Variants in MELK observed in about 807,000 individuals in gnomAD.
MELK encodes the protein pEg3 kinase.
A neutral mutation model predicts 85.0 loss-of-function variants in MELK; 81 were observed. The ratio of observed to expected loss-of-function variants is 0.95; its 90% confidence interval spans 0.80 to 1.15. MELK has a LOEUF of 1.15. Among genes scored for constraint, MELK ranks in the 50% most tolerant of loss-of-function variants. The probability of loss-of-function intolerance (pLI) is 0.00; values close to 1 mark genes in which losing one functional copy is unlikely to be tolerated. For missense variants in MELK, 754 were observed against 777.5 expected, an observed-to-expected ratio of 0.97 and a Z score of 0.36; for synonymous variants, 252 against 265.0, an observed-to-expected ratio of 0.95 and a Z score of 0.48.
chr9:36,643,225 A>G (rs961341375), intron 11 of MELK, 142 bp downstream of exon 11: 18 of 562,346 alleles, frequency 3.2e-5, no homozygotes, highest in Non-Finnish European at 5.0e-5. Context: ...TCTACTGAAA[A>G]TACAAAAATT....
At chr9:36,655,453 G>GGAGAGA (rs66684364) in intron 12 of MELK, among the ~76,000 whole-genome samples, 4 of 147,800 alleles carry the variant, frequency 2.7e-5, no homozygotes, top group African/African-American at 9.9e-5. Context: ...TCAAGTAGGG[G>GGAGAGA]GAGAGAGAGA....
At chr9:36,643,559 G>A (rs1271451468) in intron 11 of MELK, among the ~76,000 whole-genome samples, 2 of 152,068 alleles carry the variant, frequency 1.3e-5, no homozygotes, top group East Asian at 3.8e-4. Flanking sequence ...ACACAGTCCT[G>A]ATGTGTGCTA....
At chr9:36,629,752 C>A (rs1182494145) in intron 8 of MELK, among the ~76,000 whole-genome samples, 2 of 150,670 alleles carry the variant, frequency 1.3e-5, no homozygotes, top group Non-Finnish European at 3.0e-5. Context: ...CTGTTATGTT[C>A]TTTGTGCTCT....
At chr9:36,616,082 G>C (rs1050928676) in intron 8 of MELK, among the ~76,000 whole-genome samples, 1 of 152,070 alleles carries the variant, frequency 6.6e-6, no homozygotes, top group Admixed American at 6.5e-5. Context: ...TCGCCGGCGC[G>C]GTGGCAAAGA....
At chr9:36,624,461 A>G (rs543513856) in intron 8 of MELK, among the ~76,000 whole-genome samples, 2 of 152,306 alleles carry the variant, frequency 1.3e-5, no homozygotes, top group South Asian at 4.2e-4. Context: ...CTGGGATTCA[A>G]ATATAATATA....
At chr9:36,597,084 C>A in intron 5 of MELK, 138 bp from the exon 6 acceptor site, 1 of 636,676 alleles carries the variant, frequency 1.6e-6, no homozygotes, top group Non-Finnish European at 2.7e-6. Flanking sequence ...ATAATCCTCT[C>A]TCATCTGCCT....
Position 36,617,469 on chromosome 9 carries a change from A to G in MELK, c.666+9796A>G, listed in dbSNP as rs1049930023. ...AGCCTCAGCCTCCTGAGTAGCTGGA[A>G]CTACAGGCGTGCGCTACCACACTTG... On this transcript the variant is annotated intron_variant, in intron 8 of 17. Transcript: ENST00000298048. 2.6e-5 allele frequency among the ~76,000 whole-genome samples: 4 copies of G among 152,056 alleles called. 1 individual carries two copies. The highest frequency in any genetic ancestry group is 7.2e-5 in the African/African-American group (3 of 41,386).
At position 36,597,284 on chromosome 9, in the gene MELK, A is replaced by C. The variant is rs961060342; in HGVS notation, c.468A>C (p.Lys156Asn). 1.9e-6 allele frequency: 3 copies of C among 1,612,114 alleles called. No homozygotes were observed. Among genetic ancestry groups the C allele is most frequent in the Non-Finnish European group, 2.5e-6 (3 of 1,178,368 alleles). Reference sequence around the variant, plus strand: ...TGATTGACTTTGGTCTCTGTGCAAAACCCAAGGTAAGTGCAGAAATAAGAT... The same window carrying C: ...TGATTGACTTTGGTCTCTGTGCAAACCCCAAGGTAAGTGCAGAAATAAGAT... ...LKLIDFGLCA[K>N]PKGNKDYHLQ... Residue 156 changes from lysine (K) to asparagine (N), a missense_variant, in exon 6 of 18, where the codon AAA becomes AAC. Physicochemically the swap from Lys to Asn is moderately conservative, Grantham distance 94. Transcript: ENST00000298048.
chr9:36,591,343 CT>C (rs1013059953), intron 4 of MELK, among the ~76,000 whole-genome samples: 1 of 150,744 alleles, frequency 6.6e-6, no homozygotes, highest in Non-Finnish European at 1.5e-5. Context: ...GAGGCCAAGG[CT>C]GGTGGATTAT....
intron 16 of MELK, among the ~76,000 whole-genome samples, chr9:36,673,017 G>C (rs1833021627): frequency 6.6e-6 from 1 of 152,154 alleles, no homozygotes; most frequent in African/African-American, 2.4e-5. Flanking sequence ...CTTACCGGAA[G>C]AGTTGCAAGG....
At chr9:36,668,265 T>C (rs1564230350) in intron 14 of MELK, among the ~76,000 whole-genome samples, 2 of 152,220 alleles carry the variant, frequency 1.3e-5, no homozygotes, top group Admixed American at 6.5e-5. Context: ...TTGTGGAAAG[T>C]GAGAATGTAG....
intron 8 of MELK, among the ~76,000 whole-genome samples, chr9:36,615,209 A>C (rs1250802130): frequency 1.8e-5 from 2 of 112,212 alleles, no homozygotes; most frequent in African/African-American, 7.1e-5. Flanking sequence ...TGACCCCCCC[A>C]CCTCCCTCCC....
intron 12 of MELK, among the ~76,000 whole-genome samples, chr9:36,657,003 C>T (rs975625066): frequency 1.3e-5 from 2 of 152,208 alleles, no homozygotes; most frequent in Non-Finnish European, 2.9e-5. Context: ...TAACGTGCTA[C>T]ACAGGTTTGT....
At position 36,642,913 on chromosome 9, in the gene MELK, A is replaced by G. The variant is rs74659621; in HGVS notation, c.835-84A>G. ...TACATAATGATATTTGATTGTATAAAGTAATTATGCTGATTTTAAAATGTG... is the reference window on the plus strand; with the variant it reads ...TACATAATGATATTTGATTGTATAAGGTAATTATGCTGATTTTAAAATGTG... On this transcript the variant is annotated intron_variant, in intron 10 of 17. Coordinates refer to ENST00000298048, the MANE Select transcript of MELK (RefSeq NM_014791.4). 1,098 of 948,056 alleles carry G rather than the reference A, an allele frequency of 1.2e-3. 23 individuals are homozygous for G. In the East Asian group the frequency reaches 0.028, roughly 24 times the overall value. The allele number at this position is 948,056 out of a possible 1,614,324, so 58.7% of individuals were successfully genotyped here.
At chr9:36,591,438 G>T (rs1158981561) in intron 4 of MELK, among the ~76,000 whole-genome samples, 2 of 152,088 alleles carry the variant, frequency 1.3e-5, no homozygotes, top group Non-Finnish European at 2.9e-5. Context: ...GCCAGTTGTG[G>T]TGGTGCATGC....
In MELK at chr9:36,615,517, A is replaced by G. The variant is rs1304067265; in HGVS notation, c.666+7844A>G. 3.8e-5 allele frequency among the ~76,000 whole-genome samples: 5 copies of G among 130,868 alleles called. No homozygotes were observed. In the East Asian group the frequency reaches 9.1e-4, roughly 24 times the overall value. 85.9% of individuals were successfully genotyped at this position (130,868 alleles called of 152,430 possible). ...TGACCCCCCCCCACCTCCCTCCCGG[A>G]CGGGGTGGCTGCCGGGCGGAGACGC... On this transcript the variant is annotated intron_variant, in intron 8 of 17. Transcript: ENST00000298048.
At chr9:36,654,722 AG>A (rs1831059198) in intron 12 of MELK, among the ~76,000 whole-genome samples, 1 of 152,132 alleles carries the variant, frequency 6.6e-6, no homozygotes, top group Non-Finnish European at 1.5e-5. Flanking sequence ...TAAGTGGAAA[AG>A]ACCTGGAAAT....
At chr9:36,643,607 CATTGATG>C (rs1276004994) in intron 11 of MELK, among the ~76,000 whole-genome samples, 1 of 151,934 alleles carries the variant, frequency 6.6e-6, no homozygotes, top group Non-Finnish European at 1.5e-5. Context: ...ATACTTAAAA[CATTGATG>C]AAGAAGAATT....
At chr9:36,597,382 T>C (rs1214564640) in intron 6 of MELK, 92 bp downstream of exon 6, 3 of 1,161,096 alleles carry the variant, frequency 2.6e-6, no homozygotes, top group Non-Finnish European at 2.5e-6. Context: ...TATTCTTTAT[T>C]GAGCTTGGTT....
Sources: gnomAD v4.1 joint callset for allele counts (sites outside exome capture counted in the v4.1 genomes callset) on GRCh38, gnomAD v4.1.1 for gene constraint, MANE v1.5 for transcripts, NCBI Gene and HGNC (gene_info 2026-07-23, HGNC 2026-07-21) for gene names.